RCAN1: variants seen among roughly 807,000 people sequenced by gnomAD.
RCAN1 encodes regulator of calcineurin 1, also known as calcipressin-1.
Under a neutral mutation model 22.9 loss-of-function variants are expected in RCAN1, and 11 were observed. The observed-to-expected ratio is 0.48, with a 90% CI of 0.30 to 0.79. RCAN1 has a LOEUF of 0.79. Ranked by LOEUF, RCAN1 falls within the 30% of genes least tolerant of loss-of-function variation. The pLI is 0.06. For synonymous variants in RCAN1, 136 were observed against 142.3 expected, an observed-to-expected ratio of 0.96 and a Z score of 0.32; for missense variants, 291 against 337.8, an observed-to-expected ratio of 0.86 and a Z score of 1.09.
chr21:34,599,559 C>T (rs11088288), intron 1 of RCAN1, among the ~76,000 whole-genome samples: 35,484 of 152,132 alleles, frequency 0.23, 4,290 homozygotes, highest in South Asian at 0.3. Context: ...CAATCTAATA[C>T]TACGTAATGT....
chr21:34,562,589 C>T (rs564025981), intron 1 of RCAN1, among the ~76,000 whole-genome samples: 10 of 152,326 alleles, frequency 6.6e-5, no homozygotes, highest in Non-Finnish European at 1.3e-4. Context: ...CAAAAGGACA[C>T]TTTCACATCA....
intron 1 of RCAN1, among the ~76,000 whole-genome samples, chr21:34,579,392 G>A (rs926828514): frequency 6.6e-5 from 10 of 152,140 alleles, no homozygotes; most frequent in Non-Finnish European, 1.2e-4. Flanking sequence ...GACACAGCGA[G>A]AGTCCCACCC....
intron 1 of RCAN1, among the ~76,000 whole-genome samples, chr21:34,525,955 T>C (rs1460906174): frequency 6.6e-6 from 1 of 152,182 alleles, no homozygotes; most frequent in Non-Finnish European, 1.5e-5. Flanking sequence ...ATATAAAGCA[T>C]ATAACACCAC....
intron 1 of RCAN1, among the ~76,000 whole-genome samples, chr21:34,548,422 T>C: frequency 6.6e-6 from 1 of 152,176 alleles, no homozygotes. Context: ...ATGACATGTC[T>C]GATTTCTGCA....
At chr21:34,573,304 C>CT (rs1441851202) in intron 1 of RCAN1, among the ~76,000 whole-genome samples, 5 of 152,146 alleles carry the variant, frequency 3.3e-5, no homozygotes, top group African/African-American at 1.2e-4. Flanking sequence ...CACAGACAGA[C>CT]TAAGTCACAA....
intron 1 of RCAN1, among the ~76,000 whole-genome samples, chr21:34,592,017 G>C (rs1353034183): frequency 6.6e-6 from 1 of 152,162 alleles, no homozygotes; most frequent in African/African-American, 2.4e-5. Context: ...GGGGGGAAAG[G>C]TGCCACCAAA....
chr21:34,538,879 C>T (rs9984024), intron 1 of RCAN1, among the ~76,000 whole-genome samples: 29,959 of 151,928 alleles, frequency 0.2, 3,181 homozygotes, highest in South Asian at 0.33. Flanking sequence ...ACCAGTGCAC[C>T]GACCAGCTAA....
At chr21:34,525,217 A>AT (rs1984949332) in intron 1 of RCAN1, 5 of 1,550,498 alleles carry the variant, frequency 3.2e-6, no homozygotes, top group Non-Finnish European at 4.4e-6. Context: ...CCTGCTCCAC[A>AT]TGGGGCTGCG....
chr21:34,532,168 C>T (rs1046842201), intron 1 of RCAN1, among the ~76,000 whole-genome samples: 4 of 151,724 alleles, frequency 2.6e-5, no homozygotes, highest in African/African-American at 7.3e-5. Context: ...AAGACAGGCC[C>T]GGGTGATCAG....
At chr21:34,613,655 A>G in intron 1 of RCAN1, 3 of 1,117,930 alleles carry the variant, frequency 2.7e-6, no homozygotes, top group Non-Finnish European at 3.6e-6. Context: ...AGTAAGATCA[A>G]TCAGTAAGAC....
chr21:34,553,008 T>A (rs543712235), intron 1 of RCAN1, among the ~76,000 whole-genome samples: 1 of 152,328 alleles, frequency 6.6e-6, no homozygotes, highest in East Asian at 1.9e-4. Context: ...TTTCAGACTA[T>A]CTTTCTAAAC....
At chr21:34,562,382 G>A (rs926416364) in intron 1 of RCAN1, among the ~76,000 whole-genome samples, 1 of 152,126 alleles carries the variant, frequency 6.6e-6, no homozygotes, top group African/African-American at 2.4e-5. Flanking sequence ...GCATTCCCAG[G>A]AAAGCGTATT....
At chr21:34,523,762 C>A in intron 1 of RCAN1, 52 bp from the exon 2 acceptor site, 1 of 1,442,116 alleles carries the variant, frequency 6.9e-7, no homozygotes, top group Non-Finnish European at 9.6e-7. Context: ...TGCATATGAC[C>A]CTTGACTAGA....
At chr21:34,582,809 CAGGCAGGGGAGGACACTGGTTT>C (rs1300444721) in intron 1 of RCAN1, among the ~76,000 whole-genome samples, 8 of 152,150 alleles carry the variant, frequency 5.3e-5, no homozygotes, top group Non-Finnish European at 1.0e-4. Context: ...CGCGATAACA[CAGGCAGGGGAGGACACTGGTTT>C]AGACAGGGGT....
intron 1 of RCAN1, among the ~76,000 whole-genome samples, chr21:34,593,331 A>G (rs1988033033): frequency 6.6e-6 from 1 of 152,254 alleles, no homozygotes; most frequent in Non-Finnish European, 1.5e-5. Context: ...GAGTGCCTGG[A>G]GCTGCTAGAA....
intron 1 of RCAN1, among the ~76,000 whole-genome samples, chr21:34,558,124 T>C (rs1401892330): frequency 6.6e-6 from 1 of 152,188 alleles, no homozygotes; most frequent in Non-Finnish European, 1.5e-5. Flanking sequence ...AAAAGGATAA[T>C]GCTTTTCATG....
At chr21:34,592,262 G>T (rs1601207023) in intron 1 of RCAN1, among the ~76,000 whole-genome samples, 1 of 152,188 alleles carries the variant, frequency 6.6e-6, no homozygotes, top group Admixed American at 6.5e-5. Context: ...CCTCTGCCCT[G>T]GTCTGCGTGC....
At chr21:34,585,759 A>C (rs1395872025) in intron 1 of RCAN1, among the ~76,000 whole-genome samples, 3 of 151,194 alleles carry the variant, frequency 2.0e-5, no homozygotes, top group East Asian at 1.9e-4. Flanking sequence ...AAAAAAAAAA[A>C]AAAAACATAA....
In RCAN1 at chr21:34,517,777, T is replaced by C. The variant is rs1984148657; in HGVS notation, c.*307A>G. ...ACCTGCCCTTGGCACAGACAGAACC[T>C]ACCAGAAAAGAACAAGTACAAAACA... On this transcript the variant is annotated 3_prime_UTR_variant, in exon 4 of 4. Transcript: ENST00000313806. The C allele has an allele frequency of 6.1e-6, 2 of 327,056 alleles. No homozygotes were observed. The allele number at this position is 327,056 out of a possible 1,614,324, so 20.3% of individuals were successfully genotyped here. A position where few individuals can be genotyped will look rare whatever the true frequency, so the allele number is the denominator to read the frequency against.
Sources: gnomAD v4.1 joint callset for allele counts (sites outside exome capture counted in the v4.1 genomes callset) on GRCh38, gnomAD v4.1.1 for gene constraint, MANE v1.5 for transcripts, NCBI Gene and HGNC (gene_info 2026-07-23, HGNC 2026-07-21) for gene names.